The following SLC4A8 variants were observed in gnomAD, a reference collection of about 807,000 sequenced individuals.
The protein encoded by SLC4A8 is electroneutral sodium bicarbonate exchanger 1.
SLC4A8 carries 40 observed loss-of-function variants against 125.0 expected under a neutral mutation model. That is an observed-to-expected ratio of 0.32 (90% confidence interval 0.25 to 0.42). The LOEUF is 0.42. SLC4A8 is among the 10% of genes least tolerant of loss of function. The probability of loss-of-function intolerance (pLI) is 1.00; values close to 1 mark genes in which losing one functional copy is unlikely to be tolerated. For missense variants in SLC4A8, 863 were observed against 1,355.1 expected (o/e 0.64, Z 5.70); for synonymous variants, 456 against 476.0 (o/e 0.96, Z 0.55).
chr12:51,477,306 C>T (rs1950885828), intron 16 of SLC4A8, among the ~76,000 whole-genome samples: 1 of 152,194 alleles, frequency 6.6e-6, no homozygotes, highest in South Asian at 2.1e-4. Flanking sequence ...TTACATTTCA[C>T]TACAAAACCT....
chr12:51,475,285 T>C (rs559783277), intron 16 of SLC4A8, 79 bp downstream of exon 16: 87 of 1,393,506 alleles, frequency 6.2e-5, no homozygotes, highest in Middle Eastern at 5.5e-4. Flanking sequence ...ATGCTGCTTA[T>C]GGGGTTGATT....
chr12:51,426,265 A>G (rs1948974108), intron 1 of SLC4A8, among the ~76,000 whole-genome samples: 1 of 152,228 alleles, frequency 6.6e-6, no homozygotes, highest in African/African-American at 2.4e-5. Flanking sequence ...TCTGAAAAGA[A>G]CAATATCTAA....
chr12:51,434,853 A>G (rs1949350105), intron 1 of SLC4A8, among the ~76,000 whole-genome samples: 4 of 152,222 alleles, frequency 2.6e-5, no homozygotes, highest in Admixed American at 1.3e-4. Flanking sequence ...TTATTTATTT[A>G]TATAGTTTTA....
chr12:51,480,527 T>C, intron 16 of SLC4A8: 9 of 993,812 alleles, frequency 9.1e-6, no homozygotes, highest in African/African-American at 1.7e-5. Context: ...GATGTTCATG[T>C]GAAAGATAGT....
chr12:51,482,512 C>A (rs1021752109), intron 16 of SLC4A8, among the ~76,000 whole-genome samples: 1 of 151,910 alleles, frequency 6.6e-6, no homozygotes, highest in Non-Finnish European at 1.5e-5. Context: ...CCTGTGTAGC[C>A]GGGATTACAA....
chr12:51,482,759 A>C (rs1951063145), intron 16 of SLC4A8, among the ~76,000 whole-genome samples: 1 of 152,214 alleles, frequency 6.6e-6, no homozygotes, highest in Non-Finnish European at 1.5e-5. Context: ...TAGGTAGAAA[A>C]GGTAATTCAG....
chr12:51,420,499 C>T (rs142573069), upstream of SLC4A8, among the ~76,000 whole-genome samples: 296 of 152,308 alleles, frequency 1.9e-3, 1 homozygote, highest in Middle Eastern at 3.4e-3. Context: ...GGATCATATA[C>T]GTAAGGTGCC....
chr12:51,423,961 G>T (rs1350510634), upstream of SLC4A8, among the ~76,000 whole-genome samples: 1 of 142,174 alleles, frequency 7.0e-6, no homozygotes, highest in Non-Finnish European at 1.5e-5. Context: ...GCTTGAACTG[G>T]ATAGGCGGAG....
intron 22 of SLC4A8, chr12:51,497,814 G>C (rs762242137): frequency 7.1e-6 from 1 of 140,972 alleles, no homozygotes; most frequent in South Asian, 2.2e-4. Context: ...GATTACTTGA[G>C]GCCAGAAGTT....
chr12:51,483,150 A>G (rs1178636202), intron 16 of SLC4A8, among the ~76,000 whole-genome samples: 1 of 152,086 alleles, frequency 6.6e-6, no homozygotes, highest in African/African-American at 2.4e-5. Flanking sequence ...GCCTTGGTGG[A>G]GGCTGAGCCT....
chr12:51,441,961 G>A (rs779347427), intron 2 of SLC4A8, among the ~76,000 whole-genome samples: 12 of 152,178 alleles, frequency 7.9e-5, no homozygotes, highest in Non-Finnish European at 1.8e-4. Flanking sequence ...AGTTGGGAGG[G>A]AGTGGGAGAA....
chr12:51,441,213 C>T, intron 2 of SLC4A8: 1 of 982,324 alleles, frequency 1.0e-6, no homozygotes, highest in Non-Finnish European at 1.2e-6. Flanking sequence ...TACCCCATTT[C>T]CAATATTTAC....
chr12:51,430,805 T>C (rs1049287791), intron 1 of SLC4A8, among the ~76,000 whole-genome samples: 1 of 152,184 alleles, frequency 6.6e-6, no homozygotes, highest in Non-Finnish European at 1.5e-5. Flanking sequence ...CAACAGATCT[T>C]AGATAATGGA....
At chr12:51,413,229 A>G (rs968651710) in intron 1 of SLC4A8, among the ~76,000 whole-genome samples, 1 of 152,110 alleles carries the variant, frequency 6.6e-6, no homozygotes, top group African/African-American at 2.4e-5. Context: ...TTTGAGAAAT[A>G]TCTACTCAGA....
chr12:51,406,700 C>A (rs575086239), intron 1 of SLC4A8, among the ~76,000 whole-genome samples: 2 of 152,274 alleles, frequency 1.3e-5, no homozygotes, highest in Non-Finnish European at 2.9e-5. Flanking sequence ...CCCTGTTAGT[C>A]CTCATAATTT....
intron 1 of SLC4A8, among the ~76,000 whole-genome samples, chr12:51,400,782 A>ATG (rs1565749320): frequency 0.027 from 96 of 3,592 alleles, 12 homozygotes; most frequent in South Asian, 0.038. Context: ...ATATATACAT[A>ATG]CATACACACA....
intron 20 of SLC4A8, chr12:51,494,704 T>C: frequency 5.1e-6 from 2 of 390,876 alleles, no homozygotes; most frequent in Non-Finnish European, 4.6e-6. Context: ...AGACACAGTG[T>C]GGGATAAGAG....
chr12:51,466,672 T>C (rs1396177774), intron 11 of SLC4A8, among the ~76,000 whole-genome samples: 4 of 152,182 alleles, frequency 2.6e-5, no homozygotes, highest in Admixed American at 1.3e-4. Context: ...AGATGTGCAA[T>C]CATAGTCTGA....
intron 1 of SLC4A8, among the ~76,000 whole-genome samples, chr12:51,393,370 G>C (rs943231994): frequency 2.0e-5 from 3 of 152,082 alleles, no homozygotes; most frequent in Non-Finnish European, 2.9e-5. Flanking sequence ...GATGGGATTA[G>C]AGGCATGAGC....
Sources: allele counts gnomAD v4.1 joint callset (sites outside exome capture counted in the v4.1 genomes callset), GRCh38; gene constraint gnomAD v4.1.1; transcripts MANE v1.5; gene names NCBI Gene and HGNC (gene_info 2026-07-23, HGNC 2026-07-21).